The following PCDHGA8 variants were observed in gnomAD, a reference collection of about 807,000 sequenced individuals.
PCDHGA8 encodes the protein protocadherin gamma subfamily A, 8, also known as protocadherin gamma-A8.
In PCDHGA8, 45 loss-of-function variants were observed where a neutral mutation model predicts 59.2. The ratio of observed to expected loss-of-function variants is 0.76; its 90% CI spans 0.60 to 0.98. PCDHGA8 has a LOEUF of 0.98. PCDHGA8 is among the 50% of genes least tolerant of loss of function. PCDHGA8 has a pLI of 0.00. For missense variants in PCDHGA8, 1,257 were observed against 1,196.2 expected (o/e 1.05, Z -0.75); for synonymous variants, 531 against 519.0 (o/e 1.02, Z -0.32).
chr5:141,505,436 T>C lies in PCDHGA8; in HGVS notation c.2527T>C (p.Phe843Leu). 1.2e-6 allele frequency: 2 copies of C among 1,614,118 alleles called. No homozygotes were observed. The highest frequency in any genetic ancestry group is 1.7e-6 in the Non-Finnish European group (2 of 1,179,998). ...DDTGTWPNNQ[F>L]DTEMLQAMIL... is the part of the protein sequence containing the mutation. ...CACCGGCACCTGGCCCAACAACCAG[T>C]TTGACACAGAGATGCTGCAAGCCAT... Residue 843 changes from phenylalanine (F) to leucine (L), a missense_variant, in exon 3 of 4, where the codon TTT becomes CTT. Phe to Leu is a conservative substitution (Grantham distance 22). Coordinates refer to ENST00000398604, the MANE Select transcript of PCDHGA8 (RefSeq NM_032088.2).
chr5:141,421,709 C>T, intron 1 of PCDHGA8: 1 of 1,613,926 alleles, frequency 6.2e-7, no homozygotes, highest in Non-Finnish European at 8.5e-7. Flanking sequence ...GCTAGGGATC[C>T]AGATGTGGGC....
At chr5:141,403,104 A>T in intron 1 of PCDHGA8, 1 of 1,614,038 alleles carries the variant, frequency 6.2e-7, no homozygotes. Flanking sequence ...ATCTCCAAGG[A>T]CCTGGCTCTG....
In PCDHGA8 at chr5:141,394,949, G is replaced by A. The variant is rs761514870; in HGVS notation, c.2136G>A (p.Leu712=). The part of the protein sequence containing the change: ...CVFLAFVAVL[L]GLRLRRWHKS... ...TCCTCGCCTTTGTCGCTGTGCTTCT[G>A]GGGCTCAGGCTGAGGCGCTGGCACA... The change falls in exon 1 of 4, where the codon CTG becomes CTA. Residue 712 remains leucine (L), a synonymous_variant. Transcript: ENST00000398604. The A allele has an allele frequency of 1.9e-6, 3 of 1,613,906 alleles. No individual in the cohort carries two copies. The highest frequency in any genetic ancestry group is 1.7e-6 in the Non-Finnish European group (2 of 1,179,896).
At chr5:141,449,920 A>G (rs1287640011) in intron 1 of PCDHGA8, among the ~76,000 whole-genome samples, 1 of 151,842 alleles carries the variant, frequency 6.6e-6, no homozygotes, top group East Asian at 1.9e-4. Context: ...TTTAAATTCT[A>G]CCATACCTTA....
rs779390477 is a variant in PCDHGA8 at position 141,419,000 on chromosome 5, G to A, written c.2424+23763G>A. ...GGACCAAGACTCAGGGGAAAATGGG[G>A]AAGTCAGGTGTAGCTTAAGTAGAGG... On this transcript the variant is annotated intron_variant, in intron 1 of 3. Transcript: ENST00000398604. 3.1e-6 allele frequency: 5 copies of A among 1,613,962 alleles called. 1 individual carries two copies. In the South Asian group the frequency reaches 4.4e-5, roughly 14 times the overall value.
intron 1 of PCDHGA8, chr5:141,415,325 C>T (rs1046074461): frequency 2.2e-5 from 35 of 1,614,212 alleles, no homozygotes; most frequent in East Asian, 6.7e-5. Context: ...GTGCTGCTGG[C>T]GCACAGGCTG....
intron 1 of PCDHGA8, chr5:141,399,681 C>A (rs2093865042): frequency 1.2e-6 from 2 of 1,613,408 alleles, no homozygotes; most frequent in Non-Finnish European, 1.7e-6. Flanking sequence ...CCTTTGACTA[C>A]GAGCAGCTGC....
At chr5:141,473,369 G>A (rs888984972) in intron 1 of PCDHGA8, among the ~76,000 whole-genome samples, 1 of 152,200 alleles carries the variant, frequency 6.6e-6, no homozygotes, top group African/African-American at 2.4e-5. Context: ...CACCAAAATA[G>A]CATGGTCCCT....
chr5:141,433,357 G>GCCTA, intron 1 of PCDHGA8: 1 of 569,056 alleles, frequency 1.8e-6, no homozygotes, highest in Non-Finnish European at 3.1e-6. Context: ...CCTACTGTCT[G>GCCTA]CCTATCTATC....
intron 1 of PCDHGA8, chr5:141,408,572 G>A (rs745760240): frequency 4.3e-6 from 7 of 1,614,048 alleles, no homozygotes; most frequent in East Asian, 2.2e-5. Flanking sequence ...TGTGGTGATT[G>A]AGGATGTTAA....
At chr5:141,446,390 G>A (rs2098500089) in intron 1 of PCDHGA8, among the ~76,000 whole-genome samples, 1 of 152,284 alleles carries the variant, frequency 6.6e-6, no homozygotes, top group African/African-American at 2.4e-5. Context: ...ATAGATTTAA[G>A]AGAAATCGAG....
chr5:141,459,044 A>T (rs2098959649), intron 1 of PCDHGA8, among the ~76,000 whole-genome samples: 1 of 152,204 alleles, frequency 6.6e-6, no homozygotes, highest in Non-Finnish European at 1.5e-5. Flanking sequence ...TACCAGCTAT[A>T]TTGAAGTATA....
intron 3 of PCDHGA8, among the ~76,000 whole-genome samples, chr5:141,510,244 G>A (rs549784078): frequency 6.6e-6 from 1 of 151,116 alleles, no homozygotes; most frequent in African/African-American, 2.4e-5. Flanking sequence ...CTGCACTCCA[G>A]GCTGGGCGAC....
chr5:141,447,449 C>A (rs2098539583), intron 1 of PCDHGA8, among the ~76,000 whole-genome samples: 1 of 152,058 alleles, frequency 6.6e-6, no homozygotes, highest in Non-Finnish European at 1.5e-5. Flanking sequence ...AAATTTTTAA[C>A]CTCAGTTTTT....
chr5:141,410,440 G>A, intron 1 of PCDHGA8: 1 of 1,614,036 alleles, frequency 6.2e-7, no homozygotes, highest in Non-Finnish European at 8.5e-7. Context: ...ACAGTGAGGG[G>A]ACTTTGCCTT....
At chr5:141,419,728 A>T (rs2096421858) in intron 1 of PCDHGA8, 1 of 1,613,466 alleles carries the variant, frequency 6.2e-7, no homozygotes. Flanking sequence ...GGCTGCGAAC[A>T]GGCGAGGTGC....
intron 1 of PCDHGA8, among the ~76,000 whole-genome samples, chr5:141,452,522 A>G (rs924248463): frequency 6.6e-6 from 1 of 152,310 alleles, no homozygotes; most frequent in African/African-American, 2.4e-5. Context: ...CTCCCTCAAA[A>G]TCGTGAGTTC....
Position 141,431,478 on chromosome 5 carries a change from C to T in PCDHGA8, c.2424+36241C>T, listed in dbSNP as rs1163422580. On this transcript the variant is annotated intron_variant, in intron 1 of 3. Coordinates refer to ENST00000398604, the MANE Select transcript of PCDHGA8 (RefSeq NM_032088.2). The surrounding 1 kb of genome is among the most constrained non-coding windows in gnomAD (Gnocchi z 4.8). ...GTTCTGGATGCGAACGACAACGCAC[C>T]AGCGTTTGCTCAGCCCGAGTACCGC... The T allele has an allele frequency of 6.2e-7, 1 of 1,613,748 alleles. No individual in the cohort carries two copies. The highest frequency in any genetic ancestry group is 8.5e-7 in the Non-Finnish European group (1 of 1,179,976).
intron 1 of PCDHGA8, chr5:141,478,247 G>A (rs1377698933): frequency 1.2e-6 from 2 of 1,614,074 alleles, no homozygotes; most frequent in Admixed American, 3.3e-5. Context: ...CACAGTGTTC[G>A]GAGTAATCAT....
Sources: gnomAD v4.1 joint callset for allele counts (sites outside exome capture counted in the v4.1 genomes callset) on GRCh38, gnomAD v4.1.1 for gene constraint, Gnocchi (gnomAD v3.1) non-coding constraint, MANE v1.5 for transcripts, NCBI Gene and HGNC (gene_info 2026-07-23, HGNC 2026-07-21) for gene names.